The following ETFA variants were observed in gnomAD, a reference collection of about 807,000 sequenced individuals.
The protein encoded by ETFA is electron transfer flavoprotein subunit alpha.
ETFA carries 22 observed loss-of-function variants against 46.2 expected under a neutral mutation model. That is an observed-to-expected ratio of 0.48 (90% CI 0.34 to 0.68). The LOEUF (loss-of-function observed/expected upper bound fraction) is 0.68. Ranked by LOEUF, ETFA falls within the 30% of genes least tolerant of loss-of-function variation. The probability of loss-of-function intolerance (pLI) is 0.01; values close to 1 mark genes in which losing one functional copy is unlikely to be tolerated. For synonymous variants in ETFA, 131 were observed against 139.9 expected (o/e 0.94, Z 0.45); for missense variants, 345 against 401.1 (o/e 0.86, Z 1.19).
Position 76,286,416 on chromosome 15 carries a change from A to G in ETFA, c.517T>C (p.Phe173Leu). The G allele has an allele frequency of 3.7e-6, 6 of 1,613,856 alleles. No homozygotes were observed. Among genetic ancestry groups the G allele is most frequent in the Non-Finnish European group, 5.1e-6 (6 of 1,179,730 alleles). The change falls in exon 6 of 12, where the codon TTT (phenylalanine) becomes CTT (leucine). Residue 173 changes from phenylalanine (F) to leucine (L), a missense_variant. By Grantham distance (22) the Phe-to-Leu change is conservative. Coordinates refer to ENST00000557943, the MANE Select transcript of ETFA (RefSeq NM_000126.4). Reference sequence around the variant, plus strand: ...CCGCCACTTGTTGCTGCAGCATCAAAGGATGTTCCACGGACAGAAAACACT... The same window carrying G: ...CCGCCACTTGTTGCTGCAGCATCAAGGGATGTTCCACGGACAGAAAACACT... ...VKVFSVRGTS[F>L]DAAATSGGSA...
chr15:76,223,463 T>G (rs1482903933), intron 11 of ETFA, among the ~76,000 whole-genome samples: 2 of 152,052 alleles, frequency 1.3e-5, no homozygotes, highest in Non-Finnish European at 2.9e-5. Context: ...GCTCGGGTGA[T>G]CCACCCGCCT....
chr15:76,222,135 T>C (rs2142105090), intron 11 of ETFA, among the ~76,000 whole-genome samples: 1 of 151,412 alleles, frequency 6.6e-6, no homozygotes, highest in East Asian at 1.9e-4. Context: ...ACCCATAATT[T>C]GTATAATTAA....
At chr15:76,222,386 G>T (rs1291618177) in intron 11 of ETFA, among the ~76,000 whole-genome samples, 2 of 151,070 alleles carry the variant, frequency 1.3e-5, no homozygotes, top group Non-Finnish European at 2.9e-5. Flanking sequence ...TTAAATATTT[G>T]ATTTTTTAAA....
chr15:76,278,727 C>T (rs1323899152), intron 8 of ETFA, among the ~76,000 whole-genome samples: 1 of 152,146 alleles, frequency 6.6e-6, no homozygotes. Flanking sequence ...CAGCTGATGA[C>T]TTTGCTTCTT....
chr15:76,223,729 G>A (rs181740060), intron 11 of ETFA, among the ~76,000 whole-genome samples: 1 of 152,288 alleles, frequency 6.6e-6, no homozygotes, highest in East Asian at 1.9e-4. Context: ...CACTGTCTTA[G>A]GACTCTTTCT....
intron 9 of ETFA, chr15:76,260,315 AAAGCCTTGCCC>A (rs2039395381): frequency 3.1e-6 from 4 of 1,291,370 alleles, no homozygotes; most frequent in Admixed American, 1.7e-5. Flanking sequence ...TGACACTGTC[AAAGCCTTGCCC>A]AAACCACGTC....
chr15:76,259,037 T>G, intron 9 of ETFA: 1 of 1,607,068 alleles, frequency 6.2e-7, no homozygotes, highest in Non-Finnish European at 8.5e-7. Flanking sequence ...AAAGCCTCTG[T>G]GTCTCATTGA....
intron 1 of ETFA, among the ~76,000 whole-genome samples, chr15:76,306,079 T>C (rs367984568): frequency 1.3e-5 from 2 of 151,896 alleles, no homozygotes; most frequent in African/African-American, 4.8e-5. Flanking sequence ...ACTTGAACTG[T>C]ATATTCACAT....
intron 9 of ETFA, among the ~76,000 whole-genome samples, chr15:76,243,145 A>G (rs947117798): frequency 9.9e-5 from 15 of 152,112 alleles, no homozygotes; most frequent in African/African-American, 1.4e-4. Flanking sequence ...AAATTCAAAA[A>G]TTAGTTAGGC....
chr15:76,229,689 C>T (rs561896814), intron 10 of ETFA, among the ~76,000 whole-genome samples: 36 of 152,250 alleles, frequency 2.4e-4, no homozygotes, highest in Non-Finnish European at 4.9e-4. Context: ...AAGAAACCTA[C>T]CATCCAACTG....
At chr15:76,269,877 TATAAA>T in intron 9 of ETFA, among the ~76,000 whole-genome samples, 1 of 152,272 alleles carries the variant, frequency 6.6e-6, no homozygotes, top group African/African-American at 2.4e-5. Context: ...TAAAGGAATA[TATAAA>T]ATATGTCTAC....
intron 9 of ETFA, among the ~76,000 whole-genome samples, chr15:76,264,554 C>A (rs2039451195): frequency 6.6e-6 from 1 of 152,190 alleles, no homozygotes; most frequent in Admixed American, 6.5e-5. Context: ...TTGCTTGGCT[C>A]CAAGAGGCTG....
chr15:76,222,477 C>T (rs2142105407), intron 11 of ETFA, among the ~76,000 whole-genome samples: 1 of 152,246 alleles, frequency 6.6e-6, no homozygotes. Flanking sequence ...CAGTATTCAC[C>T]TACAATAAGC....
chr15:76,222,013 AT>A (rs1213933951), intron 11 of ETFA, among the ~76,000 whole-genome samples: 2 of 152,074 alleles, frequency 1.3e-5, no homozygotes, highest in Non-Finnish European at 2.9e-5. Context: ...ACAATTTGCA[AT>A]TTAAAATTTT....
At chr15:76,301,450 C>G (rs938526443) in intron 1 of ETFA, among the ~76,000 whole-genome samples, 3 of 152,188 alleles carry the variant, frequency 2.0e-5, no homozygotes, top group African/African-American at 7.2e-5. Context: ...GTGGCTCACG[C>G]CTGTAATCCC....
chr15:76,219,157 G>A (rs2038929920), intron 11 of ETFA, among the ~76,000 whole-genome samples: 1 of 152,136 alleles, frequency 6.6e-6, no homozygotes, highest in African/African-American at 2.4e-5. Context: ...TGACTACAGG[G>A]GAGAAGAGGA....
intron 8 of ETFA, among the ~76,000 whole-genome samples, chr15:76,275,229 C>G (rs1218428623): frequency 6.6e-6 from 1 of 152,162 alleles, no homozygotes; most frequent in African/African-American, 2.4e-5. Flanking sequence ...ACCAATCTCC[C>G]ATATTCCTAA....
At chr15:76,243,690 T>C (rs2039215494) in intron 9 of ETFA, among the ~76,000 whole-genome samples, 1 of 151,592 alleles carries the variant, frequency 6.6e-6, no homozygotes, top group Non-Finnish European at 1.5e-5. Context: ...TCCCAGCTAC[T>C]AGGTAGGCTA....
At chr15:76,296,712 G>A (rs1009998010) in intron 1 of ETFA, among the ~76,000 whole-genome samples, 1 of 152,158 alleles carries the variant, frequency 6.6e-6, no homozygotes, top group Non-Finnish European at 1.5e-5. Context: ...ATCTAATGCA[G>A]ACTATCAAGA....
Sources: gnomAD v4.1 joint callset for allele counts (sites outside exome capture counted in the v4.1 genomes callset) on GRCh38, gnomAD v4.1.1 for gene constraint, MANE v1.5 for transcripts, NCBI Gene and HGNC (gene_info 2026-07-23, HGNC 2026-07-21) for gene names.